TRAK1: variants seen among roughly 807,000 people sequenced by gnomAD.
The protein encoded by TRAK1 is trafficking kinesin protein 1, also known as trafficking kinesin-binding protein 1.
In TRAK1, 33 loss-of-function variants were observed where a neutral mutation model predicts 92.1. The ratio of observed to expected loss-of-function variants is 0.36; its 90% CI spans 0.27 to 0.48. The LOEUF (loss-of-function observed/expected upper bound fraction) is 0.48. TRAK1 is among the 20% of genes least tolerant of loss of function. TRAK1 has a pLI of 0.99. For missense variants in TRAK1, 1,123 were observed against 1,257.9 expected, an observed-to-expected ratio of 0.89 and a Z score of 1.62; for synonymous variants, 521 against 517.3, an observed-to-expected ratio of 1.01 and a Z score of -0.10.
At chr3:42,076,693 G>T (rs1704177930) in intron 1 of TRAK1, among the ~76,000 whole-genome samples, 1 of 152,176 alleles carries the variant, frequency 6.6e-6, no homozygotes, top group Non-Finnish European at 1.5e-5. Context: ...TCTTTGTCAT[G>T]AAATCTTTGC....
chr3:42,122,038 G>A (rs552848381), intron 1 of TRAK1, among the ~76,000 whole-genome samples: 2 of 151,836 alleles, frequency 1.3e-5, no homozygotes, highest in African/African-American at 4.8e-5. Flanking sequence ...GTCAGGTCTC[G>A]AATTCCTGAC....
At chr3:42,157,695 T>C (rs1283106029) in intron 2 of TRAK1, among the ~76,000 whole-genome samples, 3 of 152,130 alleles carry the variant, frequency 2.0e-5, no homozygotes, top group African/African-American at 7.2e-5. Flanking sequence ...TTTTGAAATA[T>C]GAAGACTCAG....
At position 42,210,074 on chromosome 3, in the gene TRAK1, G is replaced by A. The variant is rs758550265; in HGVS notation, c.1963+89G>A. 6.9e-6 allele frequency: 11 copies of A among 1,601,010 alleles called. 1 individual carries two copies. Among genetic ancestry groups the A allele is most frequent in the South Asian group, 3.3e-5 (3 of 90,504 alleles). ...CTTCCCCAGAGGAGATGCAGGAGCC[G>A]CCAGCGGCCACGGAGGAGGAGGAGG... On this transcript the variant is annotated intron_variant, in intron 14 of 15. Transcript: ENST00000327628.
chr3:42,134,578 CTTTTTTTTTTTTTTTT>C (rs547455969), intron 2 of TRAK1, among the ~76,000 whole-genome samples: 1 of 76,434 alleles, frequency 1.3e-5, no homozygotes, highest in Admixed American at 1.7e-4. Flanking sequence ...TGCCTGGTCT[CTTTTTTTTTTTTTTTT>C]TTTTTTTTTT....
chr3:42,052,210 C>T (rs1703011526), intron 1 of TRAK1, among the ~76,000 whole-genome samples: 1 of 152,220 alleles, frequency 6.6e-6, no homozygotes, highest in Non-Finnish European at 1.5e-5. Flanking sequence ...TGTGGCTTGA[C>T]ATTACTTGCT....
At chr3:42,158,221 G>A (rs151131254) in intron 2 of TRAK1, among the ~76,000 whole-genome samples, 91 of 152,266 alleles carry the variant, frequency 6.0e-4, no homozygotes, top group Admixed American at 1.2e-3. Flanking sequence ...TTTATTATGA[G>A]TAAAGTCACT....
At chr3:42,155,191 C>T (rs150604368) in intron 2 of TRAK1, among the ~76,000 whole-genome samples, 2,141 of 151,924 alleles carry the variant, frequency 0.014, 25 homozygotes, top group Non-Finnish European at 0.022. Flanking sequence ...CAAAGGAAAA[C>T]GGGTTTGGGA....
intron 4 of TRAK1, among the ~76,000 whole-genome samples, chr3:42,187,391 A>T (rs931928457): frequency 6.6e-6 from 1 of 152,096 alleles, no homozygotes; most frequent in Non-Finnish European, 1.5e-5. Context: ...AACATGATCA[A>T]TTTTTCTGGC....
At chr3:42,166,792 A>G (rs1441290005) in intron 2 of TRAK1, among the ~76,000 whole-genome samples, 3 of 152,252 alleles carry the variant, frequency 2.0e-5, no homozygotes, top group East Asian at 3.8e-4. Context: ...AAAGGAAGCC[A>G]TAGCTGTGCT....
chr3:42,192,100 C>T (rs1322298880), intron 7 of TRAK1, among the ~76,000 whole-genome samples: 1 of 151,938 alleles, frequency 6.6e-6, no homozygotes, highest in East Asian at 1.9e-4. Context: ...CAAGGTTTCA[C>T]CATGTTGGCC....
In TRAK1 at chr3:42,224,528, T is replaced by A; in HGVS notation, c.*791T>A. On this transcript the variant is annotated 3_prime_UTR_variant, in exon 16 of 16. Transcript: ENST00000327628. ...TTTACATATATATGCAGGGAAGTAATGGTACTGGTAGTGTATGTTTTCTAT... is the reference window on the plus strand; with the variant it reads ...TTTACATATATATGCAGGGAAGTAAAGGTACTGGTAGTGTATGTTTTCTAT... The A allele has an allele frequency of 6.1e-6, 1 of 165,030 alleles. No homozygotes were observed. The highest frequency in any genetic ancestry group is 1.3e-5 in the Non-Finnish European group (1 of 77,210). 10.2% of individuals were successfully genotyped at this position (165,030 alleles called of 1,614,324 possible).
chr3:42,192,625 A>G (rs1268340157), intron 7 of TRAK1, among the ~76,000 whole-genome samples: 2 of 152,212 alleles, frequency 1.3e-5, no homozygotes, highest in Non-Finnish European at 2.9e-5. Flanking sequence ...ACTCCAAGGA[A>G]ATTGCACTGT....
Position 42,183,568 on chromosome 3 carries a change from A to AAAAAAAAAAAAG in TRAK1, c.364-1114_364-1113insAAAAAAAAGAAA, listed in dbSNP as rs1553751625. 5.6e-4 allele frequency among the ~76,000 whole-genome samples: 82 copies of AAAAAAAAAAAAG among 145,292 alleles called. 1 individual carries two copies. Among genetic ancestry groups the AAAAAAAAAAAAG allele is most frequent in the Non-Finnish European group, 1.0e-3 (66 of 65,782 alleles). ...AGACTCTGTCTAAAAAAAAAAAAAA[A>AAAAAAAAAAAAG]AAAGAAAGAAAGAATCAATCTGTAG... On this transcript the variant is annotated intron_variant, in intron 3 of 15. Transcript: ENST00000327628.
chr3:42,113,051 A>G (rs1008954537), intron 1 of TRAK1, among the ~76,000 whole-genome samples: 1 of 151,686 alleles, frequency 6.6e-6, no homozygotes, highest in Non-Finnish European at 1.5e-5. Context: ...GATTACAGGC[A>G]TGGGCCAGCG....
chr3:42,132,377 C>T (rs961387175), intron 2 of TRAK1, among the ~76,000 whole-genome samples: 1 of 151,614 alleles, frequency 6.6e-6, no homozygotes, highest in African/African-American at 2.4e-5. Context: ...CATCCTCCCA[C>T]CTCAGCCCCC....
intron 2 of TRAK1, among the ~76,000 whole-genome samples, chr3:42,130,333 C>A (rs1275609367): frequency 6.6e-6 from 1 of 151,706 alleles, no homozygotes; most frequent in Non-Finnish European, 1.5e-5. Context: ...AAAAAAAAAT[C>A]CATATCTCAC....
In TRAK1 at chr3:42,176,181, T is replaced by C. The variant is rs184478141; in HGVS notation, c.287-633T>C. Among the ~76,000 whole-genome samples the C allele has an allele frequency of 1.3e-3, 195 of 152,266 alleles. 3 individuals carry two copies. The East Asian group carries it at 0.034, about 26-fold the overall frequency. ...GTAAATTGTACATGTAATGAAATAT[T>C]ACTCTGTGTGTGTGTGTGTGCAATC... On this transcript the variant is annotated intron_variant, in intron 2 of 15. Transcript: ENST00000327628.
At chr3:42,097,074 C>T (rs920262276) in intron 1 of TRAK1, among the ~76,000 whole-genome samples, 1 of 152,186 alleles carries the variant, frequency 6.6e-6, no homozygotes, top group African/African-American at 2.4e-5. Flanking sequence ...TTTCTACACA[C>T]GGGAACATAT....
chr3:42,090,230 C>T (rs1461802976), upstream of TRAK1, among the ~76,000 whole-genome samples: 5 of 152,148 alleles, frequency 3.3e-5, no homozygotes, highest in East Asian at 1.9e-4. Context: ...GTGGAGGAGG[C>T]GATGACCCAA....
Sources: gnomAD v4.1 joint callset for allele counts (sites outside exome capture counted in the v4.1 genomes callset) on GRCh38, gnomAD v4.1.1 for gene constraint, MANE v1.5 for transcripts, NCBI Gene and HGNC (gene_info 2026-07-23, HGNC 2026-07-21) for gene names.